DENND1A: variants seen among roughly 807,000 people sequenced by gnomAD.
DENND1A encodes DENN domain containing 1A.
A neutral mutation model predicts 113.7 loss-of-function variants in DENND1A; 51 were observed. That is an observed-to-expected ratio of 0.45 (90% CI 0.36 to 0.57). The LOEUF is 0.57. DENND1A is among the 20% of genes least tolerant of loss of function. The pLI is 0.00. For synonymous variants in DENND1A, 565 were observed against 570.8 expected (o/e 0.99, Z 0.14); for missense variants, 1,258 against 1,395.9 (o/e 0.90, Z 1.57).
intron 3 of DENND1A, among the ~76,000 whole-genome samples, chr9:123,787,077 C>A (rs1832299197): frequency 6.6e-6 from 1 of 152,148 alleles, no homozygotes; most frequent in South Asian, 2.1e-4. Flanking sequence ...TTTAAACAAG[C>A]CACTGTCGAA....
At chr9:123,441,164 T>G (rs1168069791) in intron 18 of DENND1A, among the ~76,000 whole-genome samples, 1 of 152,250 alleles carries the variant, frequency 6.6e-6, no homozygotes, top group Non-Finnish European at 1.5e-5. Context: ...TGCTTTCCAA[T>G]TTACACCAAC....
rs762433414 is a variant in DENND1A, at chr9:123,757,734, A to C, written c.271T>G (p.Ser91Ala). The C allele has an allele frequency of 4.3e-6, 7 of 1,614,086 alleles. No individual in the cohort carries two copies. The highest frequency in any genetic ancestry group is 3.4e-6 in the Non-Finnish European group (4 of 1,179,986). The change falls in exon 5 of 24, where the codon TCA becomes GCA. Residue 91 changes from serine (S) to alanine (A), a missense_variant. Coordinates refer to ENST00000394215, the MANE Select transcript of DENND1A (RefSeq NM_001352964.2). The stretch of plus-strand genomic sequence containing the variant: ...ATACAGAAGCAGCTCTTCGCTCCTG[A>C]AGATAAGCGGCAGAACCCGAATCTC... ...KQRFGFCRLSSGAKSCFCILS... is the reference protein window; with the variant it reads ...KQRFGFCRLSAGAKSCFCILS...
intron 2 of DENND1A, among the ~76,000 whole-genome samples, chr9:123,840,797 C>A (rs936912907): frequency 6.6e-6 from 1 of 152,176 alleles, no homozygotes; most frequent in Non-Finnish European, 1.5e-5. Context: ...GGGGCGTTAT[C>A]CAAATAACCA....
At chr9:123,731,916 T>TTACCCA (rs1441339080) in intron 5 of DENND1A, among the ~76,000 whole-genome samples, 11 of 152,178 alleles carry the variant, frequency 7.2e-5, no homozygotes, top group African/African-American at 2.7e-4. Flanking sequence ...GGGCAAAAGA[T>TTACCCA]TTGAATACTT....
At chr9:123,538,851 T>TACACAC (rs1425995154) in intron 13 of DENND1A, among the ~76,000 whole-genome samples, 6 of 114,574 alleles carry the variant, frequency 5.2e-5, no homozygotes, top group Admixed American at 9.6e-5. Context: ...TATATATATA[T>TACACAC]ATATATATGA....
intron 7 of DENND1A, among the ~76,000 whole-genome samples, chr9:123,668,013 T>C (rs544376389): frequency 6.6e-6 from 1 of 152,262 alleles, no homozygotes; most frequent in Non-Finnish European, 1.5e-5. Flanking sequence ...GGCATCTCCA[T>C]ATGCAACAAG....
chr9:123,407,409 C>T (rs979799671), intron 20 of DENND1A, among the ~76,000 whole-genome samples: 11 of 152,230 alleles, frequency 7.2e-5, no homozygotes, highest in South Asian at 4.2e-4. Context: ...CACAGAGGCA[C>T]GCGCAAGAGG....
intron 2 of DENND1A, among the ~76,000 whole-genome samples, chr9:123,851,282 T>C (rs1843312579): frequency 6.6e-6 from 1 of 152,238 alleles, no homozygotes; most frequent in Non-Finnish European, 1.5e-5. Context: ...AATCAGAAAG[T>C]ATGTACTCTT....
chr9:123,416,305 A>G (rs2044721245), intron 19 of DENND1A, among the ~76,000 whole-genome samples: 1 of 152,152 alleles, frequency 6.6e-6, no homozygotes, highest in South Asian at 2.1e-4. Flanking sequence ...GGAAAAGGGA[A>G]CAGATTGGAG....
intron 5 of DENND1A, among the ~76,000 whole-genome samples, chr9:123,725,699 A>G (rs1300276122): frequency 6.6e-6 from 1 of 152,258 alleles, no homozygotes; most frequent in East Asian, 1.9e-4. Flanking sequence ...AACAGACTGT[A>G]CGGGCCTCAC....
At chr9:123,408,311 A>G (rs2044043037) in intron 20 of DENND1A, among the ~76,000 whole-genome samples, 1 of 152,198 alleles carries the variant, frequency 6.6e-6, no homozygotes, top group South Asian at 2.1e-4. Context: ...GCTTGCATAA[A>G]TGCATTTAGA....
chr9:123,641,033 T>A (rs1408061723), intron 9 of DENND1A, among the ~76,000 whole-genome samples: 1 of 152,226 alleles, frequency 6.6e-6, no homozygotes, highest in Non-Finnish European at 1.5e-5. Context: ...CAAATGTGAA[T>A]GTGCTCCGTG....
chr9:123,869,582 T>C (rs1176514501), intron 2 of DENND1A, among the ~76,000 whole-genome samples: 1 of 152,238 alleles, frequency 6.6e-6, no homozygotes, highest in Admixed American at 6.5e-5. Context: ...TCCACATCTC[T>C]ATCCCAAACA....
chr9:123,620,952 C>T (rs1045152444), intron 10 of DENND1A, among the ~76,000 whole-genome samples: 1 of 152,170 alleles, frequency 6.6e-6, no homozygotes, highest in African/African-American at 2.4e-5. Flanking sequence ...CACCTATCTT[C>T]CTATGCCCAC....
At chr9:123,888,904 A>G (rs1056504557) in intron 1 of DENND1A, among the ~76,000 whole-genome samples, 3 of 151,810 alleles carry the variant, frequency 2.0e-5, no homozygotes, top group Admixed American at 1.3e-4. Context: ...TAGGAGAAGC[A>G]CACTGAAACA....
intron 8 of DENND1A, among the ~76,000 whole-genome samples, chr9:123,652,647 C>T (rs977122516): frequency 2.6e-5 from 4 of 152,150 alleles, no homozygotes; most frequent in Admixed American, 6.5e-5. Context: ...GAAGGCCAGG[C>T]GAGCTCCTCT....
intron 17 of DENND1A, 25 bp downstream of exon 17, chr9:123,452,251 T>C (rs1277920166): frequency 6.2e-7 from 1 of 1,610,610 alleles, no homozygotes; most frequent in Non-Finnish European, 8.5e-7. Flanking sequence ...CTGTTTTGGC[T>C]CCTGACAGCA....
chr9:123,810,175 T>C (rs1032632869), intron 2 of DENND1A, among the ~76,000 whole-genome samples: 1 of 152,150 alleles, frequency 6.6e-6, no homozygotes. Context: ...TCTTAAAAGA[T>C]CTCTCCTCCT....
chr9:123,442,380 T>C (rs2046992840), intron 18 of DENND1A, among the ~76,000 whole-genome samples: 1 of 152,126 alleles, frequency 6.6e-6, no homozygotes, highest in Admixed American at 6.5e-5. Flanking sequence ...ACAGCTCTTT[T>C]GGAAAGGGGC....
Sources: gnomAD v4.1 joint callset for allele counts (sites outside exome capture counted in the v4.1 genomes callset) on GRCh38, gnomAD v4.1.1 for gene constraint, MANE v1.5 for transcripts, NCBI Gene and HGNC (gene_info 2026-07-23, HGNC 2026-07-21) for gene names.